FBXL17: variants seen among roughly 807,000 people sequenced by gnomAD.
The protein encoded by FBXL17 is F-box/LRR-repeat protein 17.
Under a neutral mutation model 66.2 loss-of-function variants are expected in FBXL17, and 22 were observed. The observed-to-expected ratio is 0.33, with a 90% CI of 0.24 to 0.47. The LOEUF (loss-of-function observed/expected upper bound fraction) is 0.47. Ranked by LOEUF, FBXL17 falls within the 20% of genes least tolerant of loss-of-function variation. FBXL17 has a pLI of 1.00. For missense variants in FBXL17, 878 were observed against 948.2 expected, an observed-to-expected ratio of 0.93 and a Z score of 0.97; for synonymous variants, 474 against 400.5, an observed-to-expected ratio of 1.18 and a Z score of -2.19.
At chr5:107,948,711 C>T (rs1001346835) in intron 7 of FBXL17, among the ~76,000 whole-genome samples, 2 of 152,138 alleles carry the variant, frequency 1.3e-5, no homozygotes, top group Non-Finnish European at 2.9e-5. Context: ...TAATTCCTGC[C>T]TTCCTTTCCA....
chr5:108,331,158 A>C (rs1229052193), intron 4 of FBXL17, among the ~76,000 whole-genome samples: 2 of 152,236 alleles, frequency 1.3e-5, no homozygotes, highest in Non-Finnish European at 2.9e-5. Flanking sequence ...TGCTAATTTG[A>C]TCTCCAACAA....
At chr5:108,218,012 T>C (rs1051448681) in intron 5 of FBXL17, among the ~76,000 whole-genome samples, 2 of 141,522 alleles carry the variant, frequency 1.4e-5, no homozygotes, top group African/African-American at 2.7e-5. Context: ...TTCTAATTTT[T>C]TTTCTTTTTT....
chr5:108,026,762 TAAAC>T (rs1421864826), intron 6 of FBXL17, among the ~76,000 whole-genome samples: 4 of 152,236 alleles, frequency 2.6e-5, no homozygotes, highest in Admixed American at 6.5e-5. Flanking sequence ...TCTTGCTACT[TAAAC>T]AATAGCAAAC....
intron 3 of FBXL17, among the ~76,000 whole-genome samples, chr5:108,355,400 T>A (rs1260160280): frequency 1.3e-5 from 2 of 151,904 alleles, no homozygotes; most frequent in African/African-American, 4.8e-5. Context: ...GCAATTCTTG[T>A]GCCTCCTGAA....
chr5:108,134,209 C>CA (rs1751045682), intron 6 of FBXL17, among the ~76,000 whole-genome samples: 1 of 152,006 alleles, frequency 6.6e-6, no homozygotes, highest in Non-Finnish European at 1.5e-5. Context: ...ATTATGTGAA[C>CA]AAAAAACCCC....
intron 6 of FBXL17, among the ~76,000 whole-genome samples, chr5:108,028,327 A>G (rs1187367562): frequency 6.6e-6 from 1 of 152,136 alleles, no homozygotes; most frequent in Non-Finnish European, 1.5e-5. Context: ...GTGAAATATT[A>G]AACATATAAT....
intron 3 of FBXL17, among the ~76,000 whole-genome samples, chr5:108,351,952 A>G (rs1747684402): frequency 6.6e-6 from 1 of 152,260 alleles, no homozygotes; most frequent in East Asian, 1.9e-4. Context: ...TAAACTGACT[A>G]CATGGTGTTT....
chr5:107,910,241 A>G (rs1749905267), intron 7 of FBXL17, among the ~76,000 whole-genome samples: 2 of 152,164 alleles, frequency 1.3e-5, no homozygotes, highest in African/African-American at 4.8e-5. Context: ...GACTGTTTTG[A>G]AAACTAAGTA....
intron 4 of FBXL17, among the ~76,000 whole-genome samples, chr5:108,311,861 AGTGCCAG>A: frequency 6.6e-6 from 1 of 152,344 alleles, no homozygotes; most frequent in Middle Eastern, 3.4e-3. Context: ...ATAATGGCCC[AGTGCCAG>A]GAAATGCTGC....
chr5:107,902,114 C>T (rs1749585113), intron 7 of FBXL17, among the ~76,000 whole-genome samples: 1 of 152,112 alleles, frequency 6.6e-6, no homozygotes, highest in Non-Finnish European at 1.5e-5. Flanking sequence ...TGAATATGGC[C>T]CATGGAGTTT....
chr5:108,020,323 T>G (rs2112762193), intron 7 of FBXL17, among the ~76,000 whole-genome samples: 1 of 152,100 alleles, frequency 6.6e-6, no homozygotes, highest in Non-Finnish European at 1.5e-5. Flanking sequence ...TTATTTTTCT[T>G]TATTACTGCG....
intron 4 of FBXL17, among the ~76,000 whole-genome samples, chr5:108,342,504 G>C (rs1424392347): frequency 1.3e-5 from 2 of 152,134 alleles, no homozygotes; most frequent in South Asian, 4.1e-4. Context: ...ATGTCTCACA[G>C]CACTGGTCCA....
intron 5 of FBXL17, among the ~76,000 whole-genome samples, chr5:108,199,229 CAAAT>C (rs1306601002): frequency 2.0e-5 from 3 of 151,926 alleles, no homozygotes; most frequent in African/African-American, 2.4e-5. Context: ...TTTTTTAAAA[CAAAT>C]AAACAAGTAC....
chr5:108,149,095 C>G (rs1387130439), intron 6 of FBXL17, among the ~76,000 whole-genome samples: 5 of 152,124 alleles, frequency 3.3e-5, no homozygotes, highest in Non-Finnish European at 7.3e-5. Context: ...GACTCCAAAG[C>G]CTGTTCTCTT....
intron 7 of FBXL17, among the ~76,000 whole-genome samples, chr5:107,991,227 G>C (rs1753230445): frequency 6.6e-6 from 1 of 152,202 alleles, no homozygotes; most frequent in Non-Finnish European, 1.5e-5. Context: ...CAGGGGCAGA[G>C]AACTAGCTCG....
intron 5 of FBXL17, among the ~76,000 whole-genome samples, chr5:108,199,849 T>C (rs915164747): frequency 4.6e-5 from 7 of 152,084 alleles, no homozygotes; most frequent in Admixed American, 6.6e-5. Context: ...ACAAAGGAAA[T>C]TTCATTAAGG....
chr5:108,003,448 A>AAAAAC (rs1753812700), intron 7 of FBXL17, among the ~76,000 whole-genome samples: 2 of 152,196 alleles, frequency 1.3e-5, no homozygotes, highest in South Asian at 2.1e-4. Context: ...GTTCACAATT[A>AAAAAC]AAAACAAAAC....
At chr5:108,066,063 T>A (rs1748105863) in intron 6 of FBXL17, among the ~76,000 whole-genome samples, 1 of 152,070 alleles carries the variant, frequency 6.6e-6, no homozygotes, top group South Asian at 2.1e-4. Flanking sequence ...TGATAAGAAA[T>A]TCTCCAAAAG....
intron 6 of FBXL17, among the ~76,000 whole-genome samples, chr5:108,102,932 A>T (rs1749656630): frequency 6.6e-6 from 1 of 152,232 alleles, no homozygotes; most frequent in Non-Finnish European, 1.5e-5. Context: ...AACACTGTAA[A>T]GCATAGTTGA....
Sources: gnomAD v4.1 joint callset for allele counts (sites outside exome capture counted in the v4.1 genomes callset) on GRCh38, gnomAD v4.1.1 for gene constraint, MANE v1.5 for transcripts, NCBI Gene and HGNC (gene_info 2026-07-23, HGNC 2026-07-21) for gene names.